Variants in WWOX observed in about 807,000 individuals in gnomAD.
The protein encoded by WWOX is WW domain containing oxidoreductase, also known as WW domain-containing oxidoreductase.
In WWOX, 69 loss-of-function variants were observed where a neutral mutation model predicts 46.2. The ratio of observed to expected loss-of-function variants is 1.49; its 90% CI spans 1.23 to 1.82. WWOX has a LOEUF of 1.82. Ranked by LOEUF, WWOX falls within the 40% of genes most tolerant of loss-of-function variation. WWOX has a pLI of 0.00. For missense variants in WWOX, 919 were observed against 542.6 expected (o/e 1.69, Z -6.89); for synonymous variants, 359 against 202.6 (o/e 1.77, Z -6.56).
intron 8 of WWOX, chr16:79,077,584 A>G (rs1183399721): frequency 6.6e-6 from 1 of 151,526 alleles, no homozygotes; most frequent in Non-Finnish European, 1.5e-5. Context: ...ATTGTCAAGT[A>G]CTTAAAGTTC....
intron 8 of WWOX, among the ~76,000 whole-genome samples, chr16:78,722,598 C>G (rs376528981): frequency 6.6e-6 from 1 of 151,358 alleles, no homozygotes; most frequent in East Asian, 1.9e-4. Flanking sequence ...TGTGTGATGA[C>G]TATGTGAGCT....
At chr16:79,173,284 T>TCCATGTGCCATGTG (rs11281793) in intron 8 of WWOX, among the ~76,000 whole-genome samples, 22 of 150,682 alleles carry the variant, frequency 1.5e-4, no homozygotes, top group East Asian at 5.9e-4. Flanking sequence ...ACCCTGCATG[T>TCCATGTGCCATGTG]CCATGTGCCA....
chr16:78,336,874 G>T (rs964987919), intron 5 of WWOX, among the ~76,000 whole-genome samples: 1 of 152,090 alleles, frequency 6.6e-6, no homozygotes, highest in African/African-American at 2.4e-5. Context: ...CCGCCTCCCA[G>T]TTTAAGCCAT....
intron 5 of WWOX, among the ~76,000 whole-genome samples, chr16:78,168,713 C>T (rs1402794466): frequency 6.6e-6 from 1 of 152,158 alleles, no homozygotes; most frequent in Non-Finnish European, 1.5e-5. Context: ...GGAAGCCACT[C>T]TGATCTACCC....
intron 5 of WWOX, among the ~76,000 whole-genome samples, chr16:78,202,051 C>T (rs748620199): frequency 6.6e-6 from 1 of 152,226 alleles, no homozygotes; most frequent in East Asian, 1.9e-4. Context: ...CTTGTAACCA[C>T]CCCTTTCCTT....
chr16:78,423,431 C>A (rs1193237761), intron 6 of WWOX, among the ~76,000 whole-genome samples: 5 of 152,110 alleles, frequency 3.3e-5, no homozygotes, highest in Non-Finnish European at 7.3e-5. Context: ...TAGTTTGTCA[C>A]AAACACCGTG....
At chr16:78,587,282 C>G (rs2045233234) in intron 8 of WWOX, among the ~76,000 whole-genome samples, 1 of 148,154 alleles carries the variant, frequency 6.7e-6, no homozygotes, top group Non-Finnish European at 1.5e-5. Flanking sequence ...ATCCTCCCAT[C>G]TTGGCCTCCC....
chr16:78,990,067 T>G (rs2046855843), intron 8 of WWOX, among the ~76,000 whole-genome samples: 1 of 151,482 alleles, frequency 6.6e-6, no homozygotes, highest in Non-Finnish European at 1.5e-5. Flanking sequence ...GCTTGTAGTC[T>G]CAGCTACTCG....
At chr16:78,970,992 A>G (rs1197738889) in intron 8 of WWOX, among the ~76,000 whole-genome samples, 3 of 152,188 alleles carry the variant, frequency 2.0e-5, no homozygotes, top group Admixed American at 1.3e-4. Context: ...CAGAAAATCC[A>G]GATTCCCATT....
chr16:78,484,087 G>T (rs1298910350), intron 8 of WWOX, among the ~76,000 whole-genome samples: 3 of 152,144 alleles, frequency 2.0e-5, no homozygotes, highest in Admixed American at 2.0e-4. Context: ...TATCAATTTT[G>T]AAGGAATCAA....
At chr16:78,119,161 C>T (rs1018546240) in intron 4 of WWOX, 1 of 152,278 alleles carries the variant, frequency 6.6e-6, no homozygotes, top group African/African-American at 2.4e-5. Context: ...TCAACATAGA[C>T]TGAGCAGGAA....
Position 78,259,936 on chromosome 16 carries a change from TAAAC to T in WWOX, c.516+95648_516+95651del, listed in dbSNP as rs2038233638. The stretch of plus-strand genomic sequence containing the variant: ...ACAATTGAGTTATTTTATGATGATC[TAAAC>T]TGCATAGGATAAAATCCTATGCAGT... On this transcript the variant is annotated intron_variant, in intron 5 of 8. Transcript: ENST00000566780. 3.3e-5 allele frequency among the ~76,000 whole-genome samples: 5 copies of T among 151,452 alleles called. No homozygotes were observed. In the South Asian group the frequency reaches 1.0e-3, roughly 31 times the overall value.
chr16:78,340,225 C>G (rs2080987209), intron 5 of WWOX, among the ~76,000 whole-genome samples: 1 of 103,798 alleles, frequency 9.6e-6, no homozygotes, highest in Non-Finnish European at 2.2e-5. Context: ...GAGATGGAGT[C>G]TTACTGTGTC....
At chr16:78,906,809 T>C (rs1212410476) in intron 8 of WWOX, among the ~76,000 whole-genome samples, 1 of 152,382 alleles carries the variant, frequency 6.6e-6, no homozygotes, top group Non-Finnish European at 1.5e-5. Context: ...CCACAGTGTT[T>C]TATTCATTTG....
At chr16:78,457,676 G>A (rs896478258) in intron 8 of WWOX, among the ~76,000 whole-genome samples, 1 of 152,086 alleles carries the variant, frequency 6.6e-6, no homozygotes, top group Non-Finnish European at 1.5e-5. Context: ...CACTTTGGGA[G>A]GCCGAGGCAG....
chr16:78,577,449 C>A (rs971514937), intron 8 of WWOX, among the ~76,000 whole-genome samples: 1 of 152,182 alleles, frequency 6.6e-6, no homozygotes, highest in African/African-American at 2.4e-5. Context: ...AATCATTTAG[C>A]TGGCTCACCT....
chr16:78,790,430 C>A (rs1359237947), intron 8 of WWOX, among the ~76,000 whole-genome samples: 2 of 152,128 alleles, frequency 1.3e-5, no homozygotes, highest in African/African-American at 4.8e-5. Flanking sequence ...CCACCGTGCC[C>A]AGCTCAGCAT....
intron 8 of WWOX, among the ~76,000 whole-genome samples, chr16:78,775,241 C>T (rs528286130): frequency 6.6e-6 from 1 of 152,110 alleles, no homozygotes; most frequent in Non-Finnish European, 1.5e-5. Context: ...TCAGCCCGGC[C>T]AATAATATCA....
chr16:78,390,664 C>T (rs968559347), intron 6 of WWOX, among the ~76,000 whole-genome samples: 1 of 152,172 alleles, frequency 6.6e-6, no homozygotes, highest in Non-Finnish European at 1.5e-5. Flanking sequence ...TTAGTACTTG[C>T]AGGTCTTTCG....
Sources: allele counts gnomAD v4.1 joint callset (sites outside exome capture counted in the v4.1 genomes callset), GRCh38; gene constraint gnomAD v4.1.1; transcripts MANE v1.5; gene names NCBI Gene and HGNC (gene_info 2026-07-23, HGNC 2026-07-21).